RAPGEF5: variants seen among roughly 807,000 people sequenced by gnomAD.
The protein encoded by RAPGEF5 is Rap guanine nucleotide exchange factor 5, also known as M-Ras-regulated GEF.
In RAPGEF5, 65 loss-of-function variants were observed where a neutral mutation model predicts 125.2. The ratio of observed to expected loss-of-function variants is 0.52; its 90% confidence interval spans 0.43 to 0.64. RAPGEF5 has a LOEUF of 0.64. Among genes scored for constraint, RAPGEF5 ranks in the 30% least tolerant of loss-of-function variants. RAPGEF5 has a pLI of 0.00. For synonymous variants in RAPGEF5, 391 were observed against 385.9 expected, an observed-to-expected ratio of 1.01 and a Z score of -0.16; for missense variants, 958 against 1,048.1, an observed-to-expected ratio of 0.91 and a Z score of 1.19.
chr7:22,219,607 T>TTCATATTTGCTTAAATGTATTC (rs1178475823), intron 9 of RAPGEF5, among the ~76,000 whole-genome samples: 1 of 151,908 alleles, frequency 6.6e-6, no homozygotes, highest in East Asian at 1.9e-4. Context: ...TAGATAAGGA[T>TTCATATTTGCTTAAATGTATTC]TCATATTTGC....
intron 17 of RAPGEF5, among the ~76,000 whole-genome samples, chr7:22,153,873 A>G (rs1201611788): frequency 6.6e-6 from 1 of 152,256 alleles, no homozygotes; most frequent in Non-Finnish European, 1.5e-5. Flanking sequence ...ATAGATCAAT[A>G]GTGTCAGCTT....
intron 7 of RAPGEF5, among the ~76,000 whole-genome samples, chr7:22,266,556 T>C (rs1782286915): frequency 6.6e-6 from 1 of 152,286 alleles, no homozygotes; most frequent in Non-Finnish European, 1.5e-5. Context: ...TAGAAGAAAC[T>C]ACTTTGAGAT....
At chr7:22,136,845 G>A (rs1783093755) in intron 22 of RAPGEF5, 88 bp downstream of exon 22, 3 of 1,170,132 alleles carry the variant, frequency 2.6e-6, no homozygotes, top group Non-Finnish European at 2.5e-6. Context: ...ACACGGTAGA[G>A]TACAAATACC....
intron 18 of RAPGEF5, among the ~76,000 whole-genome samples, chr7:22,149,222 T>C (rs965355481): frequency 6.6e-6 from 1 of 152,264 alleles, no homozygotes; most frequent in South Asian, 2.1e-4. Flanking sequence ...ATTAACATTA[T>C]TATGATAGCT....
At chr7:22,202,894 A>G in intron 9 of RAPGEF5, 1 of 367,616 alleles carries the variant, frequency 2.7e-6, no homozygotes, top group Non-Finnish European at 5.5e-6. Context: ...TGAATACTGG[A>G]CACAGAGAAA....
intron 17 of RAPGEF5, among the ~76,000 whole-genome samples, chr7:22,153,427 T>C (rs1783695433): frequency 6.6e-6 from 1 of 152,184 alleles, no homozygotes; most frequent in African/African-American, 2.4e-5. Context: ...TTCTAGATCA[T>C]GTTTTGCTAA....
chr7:22,167,544 T>TAATAAA lies in RAPGEF5; in HGVS notation c.1205-397_1205-396insTTTATT, dbSNP rs1222374842. On this transcript the variant is annotated intron_variant, in intron 11 of 25. Coordinates refer to ENST00000665637, the MANE Select transcript of RAPGEF5 (RefSeq NM_012294.5). ...AGTCCTACGGGGAATAAAGCCTTCA[T>TAATAAA]GTGTTAATAAATTAAGGTTTTTTCC... is the stretch of plus-strand genomic sequence containing the variant. Among the ~76,000 whole-genome samples the TAATAAA allele has an allele frequency of 2.0e-5, 3 of 152,226 alleles. No individual in the cohort carries two copies. In the East Asian group the frequency reaches 5.8e-4, roughly 29 times the overall value.
intron 23 of RAPGEF5, among the ~76,000 whole-genome samples, chr7:22,133,769 C>T (rs1034172131): frequency 6.6e-6 from 1 of 152,166 alleles, no homozygotes; most frequent in Non-Finnish European, 1.5e-5. Flanking sequence ...GGGTCTTCTC[C>T]CCAGCACTTA....
At chr7:22,266,862 C>T (rs1399070791) in intron 7 of RAPGEF5, 102 bp downstream of exon 7, 4 of 1,197,250 alleles carry the variant, frequency 3.3e-6, no homozygotes, top group East Asian at 4.8e-5. Flanking sequence ...GCATTCTACA[C>T]CATAACTTCC....
intron 1 of RAPGEF5, among the ~76,000 whole-genome samples, chr7:22,322,099 G>A (rs911880107): frequency 2.0e-5 from 3 of 151,778 alleles, no homozygotes; most frequent in East Asian, 1.9e-4. Context: ...GCTGTGTGCC[G>A]GAGACTACAC....
intron 11 of RAPGEF5, among the ~76,000 whole-genome samples, chr7:22,188,121 C>T (rs1283407758): frequency 6.6e-6 from 1 of 152,088 alleles, no homozygotes; most frequent in African/African-American, 2.4e-5. Flanking sequence ...AAAGACTTAC[C>T]GCCATCTAAA....
chr7:22,259,237 T>C (rs1370720940), intron 7 of RAPGEF5, among the ~76,000 whole-genome samples: 1 of 152,112 alleles, frequency 6.6e-6, no homozygotes, highest in African/African-American at 2.4e-5. Context: ...AATAAGCACA[T>C]GAAAAGATGC....
chr7:22,294,998 A>T (rs78893378), intron 5 of RAPGEF5, among the ~76,000 whole-genome samples: 4 of 152,254 alleles, frequency 2.6e-5, no homozygotes, highest in African/African-American at 9.6e-5. Context: ...ATTAACACCC[A>T]TCACCACTCA....
chr7:22,254,298 C>T (rs1357325801), intron 7 of RAPGEF5, among the ~76,000 whole-genome samples: 1 of 146,000 alleles, frequency 6.8e-6, no homozygotes, highest in African/African-American at 2.5e-5. Context: ...GGACTTTAGA[C>T]AAAGGGTAAT....
chr7:22,127,042 T>TC (rs1364112427), intron 24 of RAPGEF5, among the ~76,000 whole-genome samples: 3 of 147,038 alleles, frequency 2.0e-5, no homozygotes, highest in African/African-American at 5.0e-5. Flanking sequence ...AAAGTCTTCT[T>TC]TTTTTTTTTT....
chr7:22,150,041 A>G (rs1174575061), intron 18 of RAPGEF5, among the ~76,000 whole-genome samples: 4 of 149,968 alleles, frequency 2.7e-5, no homozygotes, highest in African/African-American at 7.4e-5. Context: ...TTATAAACAC[A>G]TAAAACCTAT....
chr7:22,316,489 A>ATATATATAT (rs1201099897), intron 2 of RAPGEF5, among the ~76,000 whole-genome samples: 1 of 50,644 alleles, frequency 2.0e-5, no homozygotes, highest in African/African-American at 8.2e-5. Context: ...ATATATATAT[A>ATATATATAT]TTTTTTTTTT....
intron 5 of RAPGEF5, among the ~76,000 whole-genome samples, chr7:22,297,347 T>C (rs1489587102): frequency 1.3e-5 from 2 of 152,156 alleles, no homozygotes; most frequent in Non-Finnish European, 2.9e-5. Flanking sequence ...CCAATATAGA[T>C]GCAGGCAGGT....
intron 9 of RAPGEF5, among the ~76,000 whole-genome samples, chr7:22,199,150 C>A (rs1464166467): frequency 6.6e-6 from 1 of 152,142 alleles, no homozygotes; most frequent in Non-Finnish European, 1.5e-5. Context: ...TTTGGGAAAG[C>A]CATACAAGGG....
Sources: gnomAD v4.1 joint callset for allele counts (sites outside exome capture counted in the v4.1 genomes callset) on GRCh38, gnomAD v4.1.1 for gene constraint, MANE v1.5 for transcripts, NCBI Gene and HGNC (gene_info 2026-07-23, HGNC 2026-07-21) for gene names.